The following GNA14 variants were observed in gnomAD, a reference collection of about 807,000 sequenced individuals.
GNA14 encodes G protein subunit alpha 14.
GNA14 carries 50 observed loss-of-function variants against 42.0 expected under a neutral mutation model. The observed-to-expected ratio is 1.19, with a 90% CI of 0.95 to 1.51. GNA14 has a LOEUF of 1.51. Ranked by LOEUF, GNA14 falls within the 40% of genes most tolerant of loss-of-function variation. The probability of loss-of-function intolerance (pLI) is 0.00; values close to 1 mark genes in which losing one functional copy is unlikely to be tolerated. For synonymous variants in GNA14, 173 were observed against 163.1 expected, an observed-to-expected ratio of 1.06 and a Z score of -0.46; for missense variants, 473 against 446.2, an observed-to-expected ratio of 1.06 and a Z score of -0.54.
intron 1 of GNA14, among the ~76,000 whole-genome samples, chr9:77,576,215 GGA>G (rs1261641096): frequency 6.6e-6 from 1 of 152,112 alleles, no homozygotes; most frequent in African/African-American, 2.4e-5. Context: ...GGAGGGTCAG[GGA>G]GAAGAGAAAG....
Position 77,431,269 on chromosome 9 carries a change from G to T in GNA14, c.593+52C>A. The T allele has an allele frequency of 1.9e-6, 3 of 1,556,218 alleles. No homozygotes were observed. The East Asian group carries it at 6.8e-5, about 35-fold the overall frequency. ...TAACACGTTTAAGAATCCACCTGGG[G>T]ACTTCCAAGCCTGGGCAGATTCTTC... On this transcript the variant is annotated intron_variant, in intron 4 of 6. Transcript: ENST00000341700.
chr9:77,580,594 G>T, intron 1 of GNA14: 1 of 498,402 alleles, frequency 2.0e-6, no homozygotes, highest in South Asian at 1.9e-5. Flanking sequence ...TTGCACCAAT[G>T]ACATGTTCAG....
intron 1 of GNA14, among the ~76,000 whole-genome samples, chr9:77,622,082 C>T (rs1417384772): frequency 3.3e-5 from 5 of 152,120 alleles, no homozygotes; most frequent in South Asian, 4.1e-4. Flanking sequence ...CAAGCCACTG[C>T]GCCAGGCCTA....
chr9:77,494,270 G>T (rs2087328918), intron 2 of GNA14, among the ~76,000 whole-genome samples: 1 of 152,006 alleles, frequency 6.6e-6, no homozygotes, highest in South Asian at 2.1e-4. Context: ...CTCCATCTAT[G>T]CTCCAAATAT....
intron 1 of GNA14, among the ~76,000 whole-genome samples, chr9:77,629,332 G>C (rs756493716): frequency 3.9e-5 from 6 of 152,202 alleles, no homozygotes; most frequent in Admixed American, 6.5e-5. Context: ...GACTCCTCAA[G>C]GGTCTAAAAC....
At chr9:77,645,914 T>G (rs1824343982) in intron 1 of GNA14, among the ~76,000 whole-genome samples, 1 of 152,106 alleles carries the variant, frequency 6.6e-6, no homozygotes, top group Admixed American at 6.5e-5. Flanking sequence ...ACTAAACCCC[T>G]CTGGTTTGTG....
chr9:77,580,299 T>G (rs577886786), intron 1 of GNA14: 7 of 325,758 alleles, frequency 2.1e-5, no homozygotes, highest in Non-Finnish European at 3.8e-5. Flanking sequence ...TCAACATTAC[T>G]ACCAGTTATT....
chr9:77,599,933 T>G (rs147606712), intron 1 of GNA14, among the ~76,000 whole-genome samples: 1 of 152,208 alleles, frequency 6.6e-6, no homozygotes, highest in African/African-American at 2.4e-5. Context: ...TCATAAAGTA[T>G]CTCAATTTTA....
Position 77,514,807 on chromosome 9 carries a change from G to A in GNA14, c.309+14262C>T, listed in dbSNP as rs1335357617. Among the ~76,000 whole-genome samples the A allele has an allele frequency of 4.6e-5, 7 of 152,150 alleles. No homozygotes were observed. In the East Asian group the frequency reaches 1.2e-3, roughly 25 times the overall value. On this transcript the variant is annotated intron_variant, in intron 2 of 6. Coordinates refer to ENST00000341700, the MANE Select transcript of GNA14 (RefSeq NM_004297.4). ...TTTTTGTATTTTTAGTGGAGACGGG[G>A]TTTCACCGTGTTAGCCAGGATAGTC...
At chr9:77,638,635 G>A (rs1470709370) in intron 1 of GNA14, among the ~76,000 whole-genome samples, 1 of 152,236 alleles carries the variant, frequency 6.6e-6, no homozygotes, top group Non-Finnish European at 1.5e-5. Flanking sequence ...ATGACCCTGT[G>A]TACATTCCGA....
At chr9:77,647,334 G>C (rs946166122) in intron 1 of GNA14, among the ~76,000 whole-genome samples, 3 of 152,234 alleles carry the variant, frequency 2.0e-5, no homozygotes, top group Admixed American at 1.3e-4. Flanking sequence ...CAGACCCCAA[G>C]CTGGGTGTGC....
At chr9:77,565,669 G>A (rs1053638922) in intron 1 of GNA14, among the ~76,000 whole-genome samples, 1 of 152,192 alleles carries the variant, frequency 6.6e-6, no homozygotes, top group African/African-American at 2.4e-5. Context: ...TGTTGGCCAG[G>A]CTGGTCTCAA....
chr9:77,613,796 G>A lies in GNA14; in HGVS notation c.124+33874C>T, dbSNP rs117336011. On this transcript the variant is annotated intron_variant, in intron 1 of 6. Coordinates refer to ENST00000341700, the MANE Select transcript of GNA14 (RefSeq NM_004297.4). ...GCAGGAAAATCCCACCATAATGTGCGATGTGCTAATGATTTACCACTAAGT... is the reference window on the plus strand; with the variant it reads ...GCAGGAAAATCCCACCATAATGTGCAATGTGCTAATGATTTACCACTAAGT... Among the ~76,000 whole-genome samples the A allele has an allele frequency of 4.2e-3, 636 of 152,272 alleles. 1 individual carries two copies. The highest frequency in any genetic ancestry group is 6.6e-3 in the Non-Finnish European group (451 of 68,020).
intron 2 of GNA14, among the ~76,000 whole-genome samples, chr9:77,450,187 G>A (rs986878935): frequency 6.6e-6 from 1 of 152,154 alleles, no homozygotes; most frequent in African/African-American, 2.4e-5. Flanking sequence ...ATTCTTCATG[G>A]TCATGGTCTT....
chr9:77,521,561 A>G (rs1452886989), intron 2 of GNA14, among the ~76,000 whole-genome samples: 1 of 152,152 alleles, frequency 6.6e-6, no homozygotes, highest in Non-Finnish European at 1.5e-5. Flanking sequence ...TCAGCCTTCC[A>G]CTTTCTGAGA....
At chr9:77,488,177 C>T (rs1384377264) in intron 2 of GNA14, among the ~76,000 whole-genome samples, 1 of 152,100 alleles carries the variant, frequency 6.6e-6, no homozygotes. Flanking sequence ...TTCCTAGGGG[C>T]ACAGAGAAAT....
chr9:77,608,458 G>A (rs1000821948), intron 1 of GNA14, among the ~76,000 whole-genome samples: 1 of 152,116 alleles, frequency 6.6e-6, no homozygotes, highest in East Asian at 1.9e-4. Context: ...CCAGTCTCCT[G>A]GCTCTCTGGA....
rs766006793 is a variant in GNA14 at position 77,529,243 on chromosome 9, T to A, written c.135A>T (p.Glu45Asp). 1 of 1,613,604 alleles carries A rather than the reference T, an allele frequency of 6.2e-7. No homozygotes were observed. Among genetic ancestry groups the A allele is most frequent in the Non-Finnish European group, 8.5e-7 (1 of 1,179,658 alleles). ...ELKLLLLGTG[E>D]SGKSTFIKQM... The stretch of plus-strand genomic sequence containing the variant: ...GCTTGATAAAGGTGCTTTTCCCACT[T>A]TCACCAGTTCCTATAAGACAAAACA... The change falls in exon 2 of 7, where the codon GAA becomes GAT. Residue 45 changes from glutamate to aspartate, a missense_variant. Glu to Asp is a conservative substitution (Grantham distance 45, BLOSUM62 2). Coordinates refer to ENST00000341700, the MANE Select transcript of GNA14 (RefSeq NM_004297.4).
chr9:77,511,339 G>T (rs923911842), intron 2 of GNA14, among the ~76,000 whole-genome samples: 6 of 152,136 alleles, frequency 3.9e-5, no homozygotes, highest in Non-Finnish European at 7.3e-5. Context: ...GTCAGTCAAA[G>T]GGTTCCTAAA....
Sources: gnomAD v4.1 joint callset for allele counts (sites outside exome capture counted in the v4.1 genomes callset) on GRCh38, gnomAD v4.1.1 for gene constraint, MANE v1.5 for transcripts, NCBI Gene and HGNC (gene_info 2026-07-23, HGNC 2026-07-21) for gene names.